Variants in FANCB observed in about 807,000 individuals in gnomAD.
The protein encoded by FANCB is Fanconi anemia group B protein.
FANCB carries 5 observed loss-of-function variants against 38.9 expected under a neutral mutation model. The observed-to-expected ratio is 0.13, with a 90% CI of 0.07 to 0.27. The LOEUF (loss-of-function observed/expected upper bound fraction) is 0.27. Among genes scored for constraint, FANCB ranks in the 10% least tolerant of loss-of-function variants. The probability of loss-of-function intolerance (pLI) is 1.00; values close to 1 mark genes in which losing one functional copy is unlikely to be tolerated. For missense variants in FANCB, 573 were observed against 602.7 expected (o/e 0.95, Z 0.52); for synonymous variants, 236 against 215.4 (o/e 1.10, Z -0.84).
At chrX:14,745,917 G>A in the FANCB span, among the ~76,000 whole-genome samples, 2 of 108,882 alleles carry the variant, frequency 1.8e-5, no homozygotes, top group Non-Finnish European at 3.8e-5. Flanking sequence ...AGCCAGGATG[G>A]TCTCGATCTC....
At chrX:14,862,731 C>T (rs1227813088) in intron 3 of FANCB, among the ~76,000 whole-genome samples, 1 of 111,732 alleles carries the variant, frequency 8.9e-6, no homozygotes, top group Non-Finnish European at 1.9e-5. Flanking sequence ...TTTACAATGT[C>T]ATTTGACTTA....
chrX:14,780,706 T>C, the FANCB span, among the ~76,000 whole-genome samples: 1 of 110,788 alleles, frequency 9.0e-6, no homozygotes, highest in Non-Finnish European at 1.9e-5. Flanking sequence ...CAGCCATAGA[T>C]ATTACACAAA....
At chrX:14,823,191 TCCTA>T in the FANCB span, among the ~76,000 whole-genome samples, 27 of 105,094 alleles carry the variant, frequency 2.6e-4, no homozygotes, top group African/African-American at 9.1e-4. Flanking sequence ...CAAGCGATTC[TCCTA>T]CCTCAGCCTC....
chrX:14,828,958 C>T, the FANCB span, among the ~76,000 whole-genome samples: 3 of 111,636 alleles, frequency 2.7e-5, no homozygotes, highest in African/African-American at 9.8e-5. Flanking sequence ...ATTCCTCCTG[C>T]CCTGGCCTCC....
At chrX:14,714,355 C>G in the FANCB span, among the ~76,000 whole-genome samples, 2 of 111,392 alleles carry the variant, frequency 1.8e-5, no homozygotes, top group African/African-American at 3.3e-5. Context: ...GCTAAACATC[C>G]TGAAATGCAA....
chrX:14,705,241 C>T, the FANCB span, among the ~76,000 whole-genome samples: 1 of 112,067 alleles, frequency 8.9e-6, no homozygotes, highest in East Asian at 2.8e-4. Context: ...ACTCCAAGAC[C>T]TTCAAGAGGA....
intron 7 of FANCB, among the ~76,000 whole-genome samples, chrX:14,845,653 C>CT (rs1372419588): frequency 9.0e-6 from 1 of 110,767 alleles, no homozygotes; most frequent in African/African-American, 3.3e-5. Context: ...TCAGGTTGGT[C>CT]TTTTTTTTCT....
the FANCB span, among the ~76,000 whole-genome samples, chrX:14,828,126 C>G: frequency 2.7e-4 from 30 of 112,135 alleles, no homozygotes; most frequent in African/African-American, 8.4e-4. Context: ...CTAAAAAAGG[C>G]TAACCATCAC....
At position 14,865,245 on chromosome X, in the gene FANCB, A is replaced by T. The variant is rs1569092816; in HGVS notation, c.266T>A (p.Ile89Asn). The change falls in exon 3 of 10, where the codon ATT becomes AAT. Residue 89 changes from isoleucine to asparagine, a missense_variant. Transcript: ENST00000650831. ...CNCVSDFRTG[I>N]NLPYIVIEKN... ...TTCTATCACAATGTAAGGGAGGTTA[A>T]TTCCAGTTCTGAAATCTGACACACA... The T allele has an allele frequency of 8.7e-7, 1 of 1,151,729 alleles. No individual in the cohort carries two copies. 94.9% of individuals were successfully genotyped at this position (1,151,729 alleles called of 1,213,427 possible). A position where few individuals can be genotyped will look rare whatever the true frequency, so the allele number is the denominator to read the frequency against.
chrX:14,870,040 TTTA>T (rs1312019692), intron 1 of FANCB, among the ~76,000 whole-genome samples: 1 of 112,420 alleles, frequency 8.9e-6, no homozygotes, highest in Non-Finnish European at 1.9e-5. Context: ...ATGTTTGCTA[TTTA>T]TTATATCTAA....
intron 7 of FANCB, 44 bp from the exon 8 acceptor site, chrX:14,845,330 T>C (rs777667750): frequency 9.9e-7 from 1 of 1,009,915 alleles, no homozygotes; most frequent in South Asian, 2.0e-5. Context: ...AGCTCATTCT[T>C]TAAAATCAAA....
rs1212492207 is a variant in FANCB, at chrX:14,850,805, A to G, written c.1327-131T>C. ...AACATTTAAAAACAAATAACATATC[A>G]TATTATAGATTATACACAATTTACT... is the stretch of plus-strand genomic sequence containing the variant. On this transcript the variant is annotated intron_variant, in intron 6 of 9. Coordinates refer to ENST00000650831, the MANE Select transcript of FANCB (RefSeq NM_001018113.3). 4 of 440,053 alleles carry G rather than the reference A, an allele frequency of 9.1e-6. No individual in the cohort carries two copies. In the Admixed American group the frequency reaches 1.6e-4, roughly 18 times the overall value. 36.3% of individuals were successfully genotyped at this position (440,053 alleles called of 1,213,427 possible).
the FANCB span, among the ~76,000 whole-genome samples, chrX:14,822,550 C>G: frequency 1.8e-5 from 2 of 108,382 alleles, no homozygotes; most frequent in African/African-American, 6.7e-5. Context: ...GATTTGAACA[C>G]TGCCCATTTT....
chrX:14,720,478 A>G, the FANCB span, among the ~76,000 whole-genome samples: 1 of 111,665 alleles, frequency 9.0e-6, no homozygotes, highest in East Asian at 2.8e-4. Context: ...TCAACAGACA[A>G]TATGGAGACA....
At chrX:14,813,328 G>A in the FANCB span, among the ~76,000 whole-genome samples, 1 of 106,575 alleles carries the variant, frequency 9.4e-6, no homozygotes, top group Non-Finnish European at 1.9e-5. Context: ...CAATTAGGCA[G>A]GAGAAGGAAA....
At chrX:14,821,559 A>G in the FANCB span, among the ~76,000 whole-genome samples, 11 of 112,451 alleles carry the variant, frequency 9.8e-5, no homozygotes, top group African/African-American at 3.2e-4. Context: ...AGACCCTAAC[A>G]GAGTAAGACA....
At chrX:14,864,152 AT>A (rs202161458) in intron 3 of FANCB, among the ~76,000 whole-genome samples, 1,299 of 111,795 alleles carry the variant, frequency 0.012, 19 homozygotes, top group Non-Finnish European at 0.019. Flanking sequence ...ATATAAAAAA[AT>A]AAAAATAAAA....
chrX:14,859,832 G>A (rs931907879), intron 3 of FANCB, among the ~76,000 whole-genome samples: 2 of 111,674 alleles, frequency 1.8e-5, no homozygotes, highest in Admixed American at 1.9e-4. Context: ...CTGCAGTACT[G>A]TCAGGTAACC....
the FANCB span, among the ~76,000 whole-genome samples, chrX:14,693,716 T>G: frequency 1.1e-4 from 12 of 111,910 alleles, no homozygotes; most frequent in African/African-American, 3.6e-4. Context: ...ATAACAAATA[T>G]CAAAACACTG....
Sources: allele counts gnomAD v4.1 joint callset (sites outside exome capture counted in the v4.1 genomes callset), GRCh38; gene constraint gnomAD v4.1.1; transcripts MANE v1.5; gene names NCBI Gene and HGNC (gene_info 2026-07-23, HGNC 2026-07-21).